Variants in LIN28B observed in about 807,000 individuals in gnomAD.
LIN28B encodes the protein protein lin-28 homolog B.
A neutral mutation model predicts 21.9 loss-of-function variants in LIN28B; 5 were observed. That is an observed-to-expected ratio of 0.23 (90% confidence interval 0.12 to 0.48). LIN28B has a LOEUF of 0.48. Among genes scored for constraint, LIN28B ranks in the 20% least tolerant of loss-of-function variants. The pLI, the probability that LIN28B is intolerant of heterozygous loss-of-function variation, is 0.98. For synonymous variants in LIN28B, 109 were observed against 111.3 expected, an observed-to-expected ratio of 0.98 and a Z score of 0.13; for missense variants, 245 against 310.5, an observed-to-expected ratio of 0.79 and a Z score of 1.58.
intron 2 of LIN28B, among the ~76,000 whole-genome samples, chr6:105,005,830 T>C (rs1770806170): frequency 6.6e-6 from 1 of 152,240 alleles, no homozygotes; most frequent in Non-Finnish European, 1.5e-5. Flanking sequence ...CTTCATTTTT[T>C]CTGTGTTCTT....
chr6:104,953,311 C>T (rs1453610424), upstream of LIN28B, among the ~76,000 whole-genome samples: 2 of 152,022 alleles, frequency 1.3e-5, no homozygotes, highest in East Asian at 1.9e-4. Context: ...AGGCATGGCC[C>T]GGTGGGGGTG....
At chr6:105,058,080 G>T in intron 3 of LIN28B, 1 of 400,490 alleles carries the variant, frequency 2.5e-6, no homozygotes, top group Non-Finnish European at 4.9e-6. Context: ...GGAATTTTTT[G>T]ACTCCTGGCT....
intron 3 of LIN28B, among the ~76,000 whole-genome samples, chr6:105,053,811 C>T (rs1368547262): frequency 6.6e-6 from 1 of 151,876 alleles, no homozygotes; most frequent in Admixed American, 6.6e-5. Flanking sequence ...CAGCTCACTG[C>T]AACCTCAGCC....
chr6:105,031,915 C>T (rs918685822), intron 3 of LIN28B, among the ~76,000 whole-genome samples: 2 of 152,128 alleles, frequency 1.3e-5, no homozygotes, highest in Non-Finnish European at 2.9e-5. Context: ...CAAAAATCTC[C>T]CTCTATCTAT....
intron 2 of LIN28B, among the ~76,000 whole-genome samples, chr6:105,009,748 G>A (rs1770884972): frequency 6.6e-6 from 1 of 152,138 alleles, no homozygotes; most frequent in East Asian, 1.9e-4. Flanking sequence ...AAGGAAAGCA[G>A]GGTCTCTATA....
intron 2 of LIN28B, among the ~76,000 whole-genome samples, chr6:104,997,306 A>G (rs373022266): frequency 2.5e-4 from 31 of 123,120 alleles, no homozygotes; most frequent in South Asian, 1.3e-3. Flanking sequence ...GAAAAGAAAA[A>G]GAAAAGAAAA....
intron 2 of LIN28B, among the ~76,000 whole-genome samples, chr6:104,965,859 A>G (rs1769845852): frequency 1.3e-5 from 2 of 152,236 alleles, no homozygotes; most frequent in African/African-American, 4.8e-5. Flanking sequence ...ACTGTTTTAA[A>G]TAGGCCTGTT....
At chr6:105,036,684 A>T (rs1049123303) in intron 3 of LIN28B, among the ~76,000 whole-genome samples, 1 of 152,200 alleles carries the variant, frequency 6.6e-6, no homozygotes, top group African/African-American at 2.4e-5. Flanking sequence ...GTGGCAAATA[A>T]TCAGAATTTT....
chr6:105,014,455 G>T (rs1770986441), intron 2 of LIN28B, among the ~76,000 whole-genome samples: 1 of 152,216 alleles, frequency 6.6e-6, no homozygotes, highest in Non-Finnish European at 1.5e-5. Context: ...GCGTAGCTGG[G>T]ATTACAGGCA....
chr6:104,942,965 G>T (rs182301521), intron 2 of LIN28B, among the ~76,000 whole-genome samples: 42 of 152,060 alleles, frequency 2.8e-4, no homozygotes, highest in African/African-American at 1.0e-3. Context: ...TTGTCAGACT[G>T]TATGGTGTCT....
upstream of LIN28B, among the ~76,000 whole-genome samples, chr6:104,953,193 C>T (rs1225985289): frequency 2.6e-5 from 4 of 152,116 alleles, no homozygotes; most frequent in African/African-American, 9.7e-5. Flanking sequence ...GCGTCCAGCC[C>T]TTTCTCGCCG....
At chr6:104,993,314 T>A (rs1770533195) in intron 2 of LIN28B, among the ~76,000 whole-genome samples, 1 of 151,766 alleles carries the variant, frequency 6.6e-6, no homozygotes, top group East Asian at 1.9e-4. Context: ...AAATAAAAAA[T>A]AAAAATTAGC....
At position 105,081,871 on chromosome 6, in the gene LIN28B, A is replaced by G. The variant is rs193223110; in HGVS notation, c.*3088A>G. 2 of 152,704 alleles carry G rather than the reference A, an allele frequency of 1.3e-5. No individual in the cohort carries two copies. The highest frequency in any genetic ancestry group is 2.9e-5 in the Non-Finnish European group (2 of 68,066). 9.5% of individuals were successfully genotyped at this position (152,704 alleles called of 1,614,324 possible). A position where few individuals can be genotyped will look rare whatever the true frequency, so the allele number is the denominator to read the frequency against. On this transcript the variant is annotated 3_prime_UTR_variant, in exon 4 of 4. Coordinates refer to ENST00000345080, the MANE Select transcript of LIN28B (RefSeq NM_001004317.4). ...ATTGCAGCATTATAGCCCCAGGCAC[A>G]TAACTAACTAGCACTGGCTTGCCAA...
chr6:104,979,791 A>T (rs900348111), intron 2 of LIN28B, among the ~76,000 whole-genome samples: 1 of 152,206 alleles, frequency 6.6e-6, no homozygotes, highest in Non-Finnish European at 1.5e-5. Flanking sequence ...TGAGTGACAG[A>T]TTCTGAATTA....
At chr6:104,992,001 A>G (rs1204446891) in intron 2 of LIN28B, among the ~76,000 whole-genome samples, 1 of 150,542 alleles carries the variant, frequency 6.6e-6, no homozygotes, top group Admixed American at 6.6e-5. Flanking sequence ...GAGACCGTGG[A>G]AAGAGGGAGG....
rs538546876 is a variant in LIN28B at position 105,082,558 on chromosome 6, G to A, written c.*3775G>A. 5.9e-5 allele frequency: 9 copies of A among 152,734 alleles called. No homozygotes were observed. The highest frequency in any genetic ancestry group is 5.9e-4 in the Admixed American group (9 of 15,294). 9.5% of individuals were successfully genotyped at this position (152,734 alleles called of 1,614,324 possible). On this transcript the variant is annotated 3_prime_UTR_variant, in exon 4 of 4. Transcript: ENST00000345080. ...ATAAAATTTGGGAAAGTATGTACAA[G>A]TGCAGCTGCACTGACTTTAATTTTC...
intron 3 of LIN28B, among the ~76,000 whole-genome samples, chr6:105,067,913 T>C (rs1772250141): frequency 6.6e-6 from 1 of 152,148 alleles, no homozygotes; most frequent in Non-Finnish European, 1.5e-5. Context: ...TTCCATGTCT[T>C]GTTTGCTTTT....
At chr6:105,009,625 T>G (rs1303433017) in intron 2 of LIN28B, among the ~76,000 whole-genome samples, 1 of 152,182 alleles carries the variant, frequency 6.6e-6, no homozygotes, top group Non-Finnish European at 1.5e-5. Context: ...CAACTGTCAT[T>G]GCAATAAGGG....
intron 2 of LIN28B, among the ~76,000 whole-genome samples, chr6:104,942,364 C>T (rs932896841): frequency 3.3e-5 from 5 of 151,900 alleles, no homozygotes; most frequent in African/African-American, 9.7e-5. Context: ...TTAGATAATG[C>T]AAAAGTGCTT....
Sources: gnomAD v4.1 joint callset for allele counts (sites outside exome capture counted in the v4.1 genomes callset) on GRCh38, gnomAD v4.1.1 for gene constraint, MANE v1.5 for transcripts, NCBI Gene and HGNC (gene_info 2026-07-23, HGNC 2026-07-21) for gene names.